BTBD10: variants seen among roughly 807,000 people sequenced by gnomAD.
The protein encoded by BTBD10 is BTB/POZ domain-containing protein 10.
Under a neutral mutation model 53.2 loss-of-function variants are expected in BTBD10, and 21 were observed. That is an observed-to-expected ratio of 0.39 (90% CI 0.28 to 0.57). BTBD10 has a LOEUF of 0.57. Ranked by LOEUF, BTBD10 falls within the 20% of genes least tolerant of loss-of-function variation. The pLI is 0.53. For synonymous variants in BTBD10, 149 were observed against 192.7 expected (o/e 0.77, Z 1.88); for missense variants, 360 against 594.7 (o/e 0.61, Z 4.10).
intron 1 of BTBD10, among the ~76,000 whole-genome samples, chr11:13,459,461 T>C (rs1435943959): frequency 1.3e-5 from 2 of 152,184 alleles, no homozygotes; most frequent in Admixed American, 6.5e-5. Flanking sequence ...GCTTGAACCC[T>C]GATGAAGAAT....
chr11:13,417,402 A>G (rs1416873593), intron 4 of BTBD10, 142 bp from the exon 5 acceptor site: 1 of 571,948 alleles, frequency 1.7e-6, no homozygotes, highest in East Asian at 3.0e-5. Context: ...TCTGGCAAAC[A>G]TCATAAAAGA....
At chr11:13,400,123 T>G (rs1273801109) in intron 8 of BTBD10, among the ~76,000 whole-genome samples, 1 of 152,250 alleles carries the variant, frequency 6.6e-6, no homozygotes, top group Non-Finnish European at 1.5e-5. Context: ...GTCTTTTGTT[T>G]GTCTGTGCCC....
intron 1 of BTBD10, among the ~76,000 whole-genome samples, chr11:13,451,343 G>T (rs574397473): frequency 6.6e-6 from 1 of 152,044 alleles, no homozygotes; most frequent in African/African-American, 2.4e-5. Context: ...TACTGGTTAG[G>T]GTATCAGAGG....
At chr11:13,393,764 A>T (rs947987844) in intron 8 of BTBD10, among the ~76,000 whole-genome samples, 31 of 152,286 alleles carry the variant, frequency 2.0e-4, no homozygotes, top group African/African-American at 4.3e-4. Flanking sequence ...TTTTAATTTT[A>T]AATTTTTAAT....
chr11:13,417,652 T>A (rs903473813), intron 4 of BTBD10, among the ~76,000 whole-genome samples: 1 of 152,194 alleles, frequency 6.6e-6, no homozygotes, highest in African/African-American at 2.4e-5. Flanking sequence ...GCTATTTTCA[T>A]TGTACAGTTA....
At chr11:13,406,352 C>T (rs1259709109) in intron 6 of BTBD10, among the ~76,000 whole-genome samples, 2 of 152,164 alleles carry the variant, frequency 1.3e-5, no homozygotes, top group Admixed American at 6.5e-5. Flanking sequence ...AAAGAGACTT[C>T]AACCTCCTTA....
chr11:13,418,243 GAC>G (rs1950162850), intron 4 of BTBD10, among the ~76,000 whole-genome samples: 1 of 151,680 alleles, frequency 6.6e-6, no homozygotes, highest in South Asian at 2.1e-4. Flanking sequence ...CATCCCCAAA[GAC>G]ACACTTTAGT....
intron 6 of BTBD10, among the ~76,000 whole-genome samples, chr11:13,409,077 G>C (rs1350399663): frequency 1.3e-5 from 2 of 151,930 alleles, no homozygotes; most frequent in Non-Finnish European, 2.9e-5. Flanking sequence ...AAACATAAAG[G>C]CCTTATTTGA....
chr11:13,406,676 G>T (rs1316980199), intron 6 of BTBD10, among the ~76,000 whole-genome samples: 2 of 151,816 alleles, frequency 1.3e-5, no homozygotes. Context: ...GAGAACTGGA[G>T]AAGGGGTGAA....
chr11:13,418,750 C>A (rs1950178433), intron 4 of BTBD10, among the ~76,000 whole-genome samples: 1 of 151,976 alleles, frequency 6.6e-6, no homozygotes, highest in South Asian at 2.1e-4. Flanking sequence ...CTATTTCATG[C>A]CCATGCCCTT....
rs562339740 is a variant in BTBD10, at chr11:13,420,391, T to G, written c.299-646A>C. On this transcript the variant is annotated intron_variant, in intron 3 of 8. Coordinates refer to ENST00000278174, the MANE Select transcript of BTBD10 (RefSeq NM_032320.7). ...CTTATAATATATTGTTTTCTTCTCA[T>G]GTTTGTTGAATAAAGCACTGCTACA... Among the ~76,000 whole-genome samples the G allele has an allele frequency of 1.8e-3, 267 of 152,218 alleles. 2 individuals are homozygous for G. The highest frequency in any genetic ancestry group is 6.1e-3 in the African/African-American group (252 of 41,558).
Position 13,445,136 on chromosome 11 carries a change from C to A in BTBD10, c.-12G>T. 1 of 1,590,908 alleles carries A rather than the reference C, an allele frequency of 6.3e-7. No homozygotes were observed. ...GGCCGTCCTGCCATCCCACTCCAAGCTTCCTCACACTACTGCTCTGAAAGC... is the reference window on the plus strand; with the variant it reads ...GGCCGTCCTGCCATCCCACTCCAAGATTCCTCACACTACTGCTCTGAAAGC... On this transcript the variant is annotated 5_prime_UTR_variant, in exon 2 of 9. Transcript: ENST00000278174.
chr11:13,404,652 A>G (rs1437607291), intron 7 of BTBD10: 2 of 976,106 alleles, frequency 2.0e-6, no homozygotes, highest in African/African-American at 1.8e-5. Context: ...CAAAGAGCCT[A>G]GAACTGAGGA....
At chr11:13,409,440 T>G (rs1377922974) in intron 6 of BTBD10, among the ~76,000 whole-genome samples, 1 of 152,200 alleles carries the variant, frequency 6.6e-6, no homozygotes, top group Non-Finnish European at 1.5e-5. Context: ...CTTAGAACAG[T>G]GCTTAGTACA....
At chr11:13,400,794 A>G (rs1281314807) in intron 8 of BTBD10, among the ~76,000 whole-genome samples, 1 of 152,244 alleles carries the variant, frequency 6.6e-6, no homozygotes, top group Non-Finnish European at 1.5e-5. Flanking sequence ...GAGAGGGACT[A>G]AACTGAAGAA....
chr11:13,427,575 C>A (rs1375752058), intron 2 of BTBD10, among the ~76,000 whole-genome samples: 1 of 152,056 alleles, frequency 6.6e-6, no homozygotes, highest in African/African-American at 2.4e-5. Flanking sequence ...AAAAACTACA[C>A]AGAAAATCAG....
chr11:13,394,919 C>T (rs1949501737), intron 8 of BTBD10, among the ~76,000 whole-genome samples: 1 of 151,550 alleles, frequency 6.6e-6, no homozygotes, highest in Admixed American at 6.6e-5. Context: ...GTATGTGCCA[C>T]ATTTTCTTAA....
chr11:13,438,659 C>A (rs1228886096), intron 2 of BTBD10, among the ~76,000 whole-genome samples: 2 of 151,580 alleles, frequency 1.3e-5, no homozygotes, highest in Non-Finnish European at 2.9e-5. Context: ...TTTATATATA[C>A]ACAGAAAAAA....
At chr11:13,456,286 A>G (rs939829678) in intron 1 of BTBD10, among the ~76,000 whole-genome samples, 6 of 152,246 alleles carry the variant, frequency 3.9e-5, no homozygotes, top group Non-Finnish European at 5.9e-5. Flanking sequence ...GCCCTAAAAC[A>G]TAAAGAACTT....
Sources: gnomAD v4.1 joint callset for allele counts (sites outside exome capture counted in the v4.1 genomes callset) on GRCh38, gnomAD v4.1.1 for gene constraint, MANE v1.5 for transcripts, NCBI Gene and HGNC (gene_info 2026-07-23, HGNC 2026-07-21) for gene names.